Variants in ANK2 observed in about 807,000 individuals in gnomAD.
ANK2 encodes ankyrin-2.
Under a neutral mutation model 360.5 loss-of-function variants are expected in ANK2, and 83 were observed. That is an observed-to-expected ratio of 0.23 (90% CI 0.19 to 0.28). The LOEUF is 0.28. Among genes scored for constraint, ANK2 ranks in the 10% least tolerant of loss-of-function variants. The pLI is 1.00. For missense variants in ANK2, 4,201 were observed against 4,795.7 expected, an observed-to-expected ratio of 0.88 and a Z score of 3.66; for synonymous variants, 1,740 against 1,759.5, an observed-to-expected ratio of 0.99 and a Z score of 0.28.
At chr4:113,149,686 G>A (rs1239273975) in intron 1 of ANK2, among the ~76,000 whole-genome samples, 1 of 151,452 alleles carries the variant, frequency 6.6e-6, no homozygotes, top group Non-Finnish European at 1.5e-5. Context: ...ATAAGTCTGG[G>A]CATCATGGCA....
At chr4:113,230,884 A>G (rs545873253) in intron 4 of ANK2, among the ~76,000 whole-genome samples, 1 of 152,290 alleles carries the variant, frequency 6.6e-6, no homozygotes, top group Non-Finnish European at 1.5e-5. Context: ...TAGCTCCGTG[A>G]TAGCCTAGCC....
intron 1 of ANK2, among the ~76,000 whole-genome samples, chr4:113,098,741 C>T (rs1338900727): frequency 6.6e-6 from 1 of 151,938 alleles, no homozygotes; most frequent in African/African-American, 2.4e-5. Context: ...GAAAGGAAAA[C>T]TACAGACCAA....
At chr4:112,738,412 C>CAAAAA in the ANK2 span, among the ~76,000 whole-genome samples, 2 of 51,012 alleles carry the variant, frequency 3.9e-5, no homozygotes, top group Non-Finnish European at 8.5e-5. Context: ...GAGTCTGTCT[C>CAAAAA]AAAAAAAAAA....
intron 20 of ANK2, 141 bp from the exon 21 acceptor site, chr4:113,292,275 G>A (rs568435483): frequency 3.9e-5 from 30 of 778,112 alleles, no homozygotes; most frequent in Non-Finnish European, 6.5e-5. Context: ...GCTGAGAAAT[G>A]GGTTGCTGAT....
chr4:113,383,193 C>T lies in ANK2; in HGVS notation c.*1722C>T, dbSNP rs1007319609. The T allele has an allele frequency of 3.9e-5, 6 of 152,458 alleles. No individual in the cohort carries two copies. The highest frequency in any genetic ancestry group is 3.3e-4 in the Admixed American group (5 of 15,264). The allele number at this position is 152,458 out of a possible 1,614,324, so 9.4% of individuals were successfully genotyped here. ...GTTGTGCAAAAATGACTCATTGCTC[C>T]GAATGTCAAAAACAAATGCGACAAA... On this transcript the variant is annotated 3_prime_UTR_variant, in exon 46 of 46. Transcript: ENST00000357077.
intron 31 of ANK2, among the ~76,000 whole-genome samples, chr4:113,337,721 C>T (rs1313331532): frequency 6.6e-6 from 1 of 152,008 alleles, no homozygotes; most frequent in East Asian, 1.9e-4. Context: ...GAGATTATTC[C>T]ATAAGTTTAA....
At chr4:113,288,352 C>T in intron 19 of ANK2, 36 bp from the exon 20 acceptor site, 2 of 1,560,498 alleles carry the variant, frequency 1.3e-6, no homozygotes, top group South Asian at 1.1e-5. Flanking sequence ...AAAGTTTCTA[C>T]TTTATCTATT....
At chr4:112,862,611 C>T (rs2068495266) in intron 1 of ANK2, among the ~76,000 whole-genome samples, 1 of 152,116 alleles carries the variant, frequency 6.6e-6, no homozygotes, top group South Asian at 2.1e-4. Flanking sequence ...CAGAAGTGTT[C>T]TCTTCATATT....
intron 4 of ANK2, among the ~76,000 whole-genome samples, chr4:113,225,983 A>G (rs555937697): frequency 1.3e-5 from 2 of 152,318 alleles, no homozygotes; most frequent in African/African-American, 4.8e-5. Flanking sequence ...CCTGAGAACT[A>G]TTATCAATGA....
intron 1 of ANK2, among the ~76,000 whole-genome samples, chr4:112,845,226 A>G (rs2063024070): frequency 6.6e-6 from 1 of 152,116 alleles, no homozygotes; most frequent in Non-Finnish European, 1.5e-5. Flanking sequence ...TGCAACATAT[A>G]TTGCCTAATT....
intron 2 of ANK2, among the ~76,000 whole-genome samples, chr4:113,014,935 T>G (rs2154294234): frequency 7.7e-6 from 1 of 129,650 alleles, no homozygotes; most frequent in African/African-American, 2.8e-5. Context: ...CTCGGCTCAC[T>G]GCAAGCTCCG....
intron 1 of ANK2, among the ~76,000 whole-genome samples, chr4:112,837,679 G>A (rs187065262): frequency 6.6e-6 from 1 of 152,364 alleles, no homozygotes; most frequent in East Asian, 1.9e-4. Context: ...CCCTGGATGT[G>A]AGACATGGAG....
At chr4:112,906,790 T>TGAGA (rs147898965) in intron 2 of ANK2, among the ~76,000 whole-genome samples, 1 of 150,734 alleles carries the variant, frequency 6.6e-6, no homozygotes, top group Non-Finnish European at 1.5e-5. Context: ...TTGTGGAGAA[T>TGAGA]GAGAGAGAGA....
intron 20 of ANK2, among the ~76,000 whole-genome samples, chr4:113,290,102 G>T (rs1393733988): frequency 6.6e-6 from 1 of 151,888 alleles, no homozygotes. Context: ...GGTCTCCCTG[G>T]AGTTTGACCT....
chr4:113,214,505 T>C (rs1327325924), intron 4 of ANK2: 1 of 609,270 alleles, frequency 1.6e-6, no homozygotes, highest in Non-Finnish European at 2.9e-6. Flanking sequence ...AAATATTTAT[T>C]ACATTCATTA....
chr4:112,761,184 A>G, the ANK2 span, among the ~76,000 whole-genome samples: 1 of 152,132 alleles, frequency 6.6e-6, no homozygotes, highest in Non-Finnish European at 1.5e-5. Flanking sequence ...TTGTTTTTAT[A>G]ATGTCCTGAA....
intron 2 of ANK2, among the ~76,000 whole-genome samples, chr4:113,008,653 T>A (rs765603710): frequency 6.6e-6 from 1 of 152,102 alleles, no homozygotes; most frequent in African/African-American, 2.4e-5. Flanking sequence ...AATATATAAA[T>A]GTATCCAAAT....
At chr4:113,094,982 C>T (rs1297536324) in intron 1 of ANK2, among the ~76,000 whole-genome samples, 4 of 152,194 alleles carry the variant, frequency 2.6e-5, no homozygotes, top group Non-Finnish European at 1.5e-5. Context: ...AATAGCATCA[C>T]TGGGAAAGTC....
chr4:113,277,647 A>G (rs1357600769), intron 15 of ANK2, among the ~76,000 whole-genome samples, 190 bp from the exon 16 acceptor site: 1 of 152,218 alleles, frequency 6.6e-6, no homozygotes, highest in East Asian at 1.9e-4. Context: ...CAGTCTATCA[A>G]GCCAAACTTT....
Sources: gnomAD v4.1 joint callset for allele counts (sites outside exome capture counted in the v4.1 genomes callset) on GRCh38, gnomAD v4.1.1 for gene constraint, MANE v1.5 for transcripts, NCBI Gene and HGNC (gene_info 2026-07-23, HGNC 2026-07-21) for gene names.